ASB3: variants seen among roughly 807,000 people sequenced by gnomAD.
The protein encoded by ASB3 is ankyrin repeat and SOCS box containing 3.
A neutral mutation model predicts 54.5 loss-of-function variants in ASB3; 41 were observed. The observed-to-expected ratio is 0.75, with a 90% CI of 0.59 to 0.98. The LOEUF is 0.98. Among genes scored for constraint, ASB3 ranks in the 50% least tolerant of loss-of-function variants. The probability of loss-of-function intolerance (pLI) is 0.00; values close to 1 mark genes in which losing one functional copy is unlikely to be tolerated. For missense variants in ASB3, 733 were observed against 620.0 expected (o/e 1.18, Z -1.94); for synonymous variants, 266 against 221.2 (o/e 1.20, Z -1.80).
chr2:53,727,641 A>G (rs1671077120), intron 5 of ASB3, among the ~76,000 whole-genome samples: 1 of 152,200 alleles, frequency 6.6e-6, no homozygotes, highest in African/African-American at 2.4e-5. Flanking sequence ...GCCTCAATCA[A>G]TCAATAAACA....
rs1215760358 is a variant in ASB3 at position 53,745,630 on chromosome 2, T to C, written c.355+5153A>G. On this transcript the variant is annotated intron_variant, in intron 3 of 9. Transcript: ENST00000263634. ...CCTGGGAGATTTCCATAGTTCCATATTCACTTTCTACCCCTAGATCCTCTG... is the reference window on the plus strand; with the variant it reads ...CCTGGGAGATTTCCATAGTTCCATACTCACTTTCTACCCCTAGATCCTCTG... Among the ~76,000 whole-genome samples, 40 of 152,204 alleles carry C rather than the reference T, an allele frequency of 2.6e-4. 1 individual carries two copies. The highest frequency in any genetic ancestry group is 2.6e-4 in the Non-Finnish European group (18 of 68,032).
intron 3 of ASB3, among the ~76,000 whole-genome samples, chr2:53,743,526 C>A (rs943872629): frequency 1.3e-5 from 2 of 152,084 alleles, no homozygotes; most frequent in Non-Finnish European, 2.9e-5. Flanking sequence ...GTTATTCCCA[C>A]TAACAATGCA....
At position 53,742,153 on chromosome 2, in the gene ASB3, C is replaced by T. The variant is rs112489360; in HGVS notation, c.355+8630G>A. Among the ~76,000 whole-genome samples the T allele has an allele frequency of 1.3e-3, 198 of 152,278 alleles. 1 individual carries two copies. The highest frequency in any genetic ancestry group is 4.6e-3 in the African/African-American group (192 of 41,550). On this transcript the variant is annotated intron_variant, in intron 3 of 9. Transcript: ENST00000263634. ...ACAAAGTGGTCTATCTCTGCTACCA[C>T]AAATGGGAAACTGTATTGCAAAAAT...
At chr2:53,778,301 A>T (rs926938686) in intron 1 of ASB3, among the ~76,000 whole-genome samples, 4 of 151,816 alleles carry the variant, frequency 2.6e-5, no homozygotes, top group African/African-American at 9.7e-5. Context: ...TTTATTTTTT[A>T]ATTATAAACT....
intron 4 of ASB3, 62 bp downstream of exon 4, chr2:53,729,396 T>G: frequency 6.4e-7 from 1 of 1,562,636 alleles, no homozygotes; most frequent in Non-Finnish European, 8.8e-7. Context: ...CATAGGACTG[T>G]CATTTTAAGA....
At chr2:53,774,113 A>G (rs760827663) in intron 1 of ASB3, 4 of 1,554,244 alleles carry the variant, frequency 2.6e-6, no homozygotes, top group Non-Finnish European at 3.5e-6. Flanking sequence ...GCCTTATAAT[A>G]CCAGTGTATT....
intron 7 of ASB3, among the ~76,000 whole-genome samples, chr2:53,706,602 C>G (rs1003675422): frequency 6.6e-6 from 1 of 152,144 alleles, no homozygotes; most frequent in East Asian, 1.9e-4. Flanking sequence ...CGTGCCGCCA[C>G]GCCTGACTAA....
chr2:53,672,334 A>T (rs1667863597), intron 9 of ASB3, among the ~76,000 whole-genome samples: 1 of 152,166 alleles, frequency 6.6e-6, no homozygotes, highest in African/African-American at 2.4e-5. Context: ...TCATATCCAT[A>T]TCTTACTTAA....
intron 1 of ASB3, among the ~76,000 whole-genome samples, chr2:53,766,243 C>A (rs1025360659): frequency 1.3e-5 from 2 of 152,156 alleles, no homozygotes; most frequent in African/African-American, 4.8e-5. Flanking sequence ...CCTACATAGC[C>A]CAGAAAGTTC....
At chr2:53,749,344 A>G (rs542711318) in intron 3 of ASB3, among the ~76,000 whole-genome samples, 7 of 152,230 alleles carry the variant, frequency 4.6e-5, no homozygotes, top group Admixed American at 3.9e-4. Context: ...GGGGCAACTA[A>G]AAGTCTCAAA....
At chr2:53,700,197 AT>A in intron 8 of ASB3, 73 bp downstream of exon 8, 1 of 1,541,166 alleles carries the variant, frequency 6.5e-7, no homozygotes, top group Non-Finnish European at 8.7e-7. Context: ...AAACACTGGG[AT>A]CTCAACTGAA....
At chr2:53,767,272 T>C (rs1673526922) in intron 1 of ASB3, 1 of 152,240 alleles carries the variant, frequency 6.6e-6, no homozygotes, top group Non-Finnish European at 1.5e-5. Flanking sequence ...TGACAGCTAC[T>C]CTTTCACAAG....
intron 3 of ASB3, among the ~76,000 whole-genome samples, chr2:53,738,630 T>G (rs1040544016): frequency 6.6e-6 from 1 of 152,244 alleles, no homozygotes; most frequent in East Asian, 1.9e-4. Context: ...CCTAGAATAC[T>G]AGGTATACCT....
At chr2:53,778,469 A>G (rs185122903) in intron 1 of ASB3, among the ~76,000 whole-genome samples, 92 of 152,288 alleles carry the variant, frequency 6.0e-4, no homozygotes, top group African/African-American at 2.0e-3. Context: ...ATTAGTCACT[A>G]TATTCACCAT....
At chr2:53,739,827 C>T (rs1325074230) in intron 3 of ASB3, among the ~76,000 whole-genome samples, 2 of 152,116 alleles carry the variant, frequency 1.3e-5, no homozygotes, top group African/African-American at 2.4e-5. Context: ...AGGCATGCAC[C>T]ACCCACACAG....
chr2:53,777,842 T>C (rs1674428612), intron 1 of ASB3, among the ~76,000 whole-genome samples: 1 of 152,172 alleles, frequency 6.6e-6, no homozygotes, highest in Non-Finnish European at 1.5e-5. Context: ...ATATAACATT[T>C]TTTAAAAAGT....
intron 9 of ASB3, among the ~76,000 whole-genome samples, chr2:53,691,378 G>C (rs1668901918): frequency 6.6e-6 from 1 of 152,174 alleles, no homozygotes; most frequent in Non-Finnish European, 1.5e-5. Flanking sequence ...ACTGAGTGGA[G>C]CTAGGAAGCT....
rs1572814761 is a variant in ASB3, at chr2:53,672,550, A to G, written c.1370-1860T>C. 3.9e-5 allele frequency among the ~76,000 whole-genome samples: 6 copies of G among 152,218 alleles called. No individual in the cohort carries two copies. The South Asian group carries it at 8.3e-4, about 21-fold the overall frequency. ...ATAAGGAAGCCCTCTTAGTAGGATC[A>G]TGAACAATAATTGGTCAGTTAATAG... On this transcript the variant is annotated intron_variant, in intron 9 of 9. Transcript: ENST00000263634.
intron 1 of ASB3, among the ~76,000 whole-genome samples, chr2:53,768,713 T>C (rs1178579783): frequency 2.0e-5 from 3 of 152,236 alleles, no homozygotes; most frequent in Non-Finnish European, 2.9e-5. Context: ...TTCTCATAAT[T>C]ATAATATGAA....
Sources: gnomAD v4.1 joint callset for allele counts (sites outside exome capture counted in the v4.1 genomes callset) on GRCh38, gnomAD v4.1.1 for gene constraint, MANE v1.5 for transcripts, NCBI Gene and HGNC (gene_info 2026-07-23, HGNC 2026-07-21) for gene names.